Variants in RBM5 observed in about 807,000 individuals in gnomAD.
RBM5 encodes the protein RNA binding motif protein 5, also known as RNA-binding protein 5.
RBM5 carries 15 observed loss-of-function variants against 124.6 expected under a neutral mutation model. That is an observed-to-expected ratio of 0.12 (90% CI 0.08 to 0.19). The LOEUF is 0.19. RBM5 is among the 10% of genes least tolerant of loss of function. RBM5 has a pLI of 1.00. For missense variants in RBM5, 580 were observed against 1,026.5 expected (o/e 0.57, Z 5.94); for synonymous variants, 337 against 361.2 (o/e 0.93, Z 0.76).
chr3:50,115,983 G>A lies in RBM5; in HGVS notation c.2094+3G>A, dbSNP rs375558053. 2.1e-5 allele frequency: 34 copies of A among 1,610,494 alleles called. No individual in the cohort carries two copies. Among genetic ancestry groups the A allele is most frequent in the Non-Finnish European group, 2.7e-5 (32 of 1,176,838 alleles). On this transcript the variant is annotated splice_donor_region_variant and intron_variant, in intron 22 of 24. Coordinates refer to ENST00000347869, the MANE Select transcript of RBM5 (RefSeq NM_005778.4). ...CCTTGGAGCTAAGGGAGAGAGAGGT[G>A]AATGGGAAACTGTGCCACAAGGAAG...
chr3:50,090,454 A>G lies in RBM5; in HGVS notation c.17+3A>G. The G allele has an allele frequency of 1.2e-6, 2 of 1,613,996 alleles. No individual in the cohort carries two copies. Among genetic ancestry groups the G allele is most frequent in the Non-Finnish European group, 1.7e-6 (2 of 1,179,912 alleles). On this transcript the variant is annotated splice_donor_region_variant and intron_variant, in intron 2 of 24. Coordinates refer to ENST00000347869, the MANE Select transcript of RBM5 (RefSeq NM_005778.4). ...GGGACAATGGGTTCAGACAAAAGGT[A>G]AGTTACTACAGTACGTGGCTTTGAT...
Position 50,100,919 on chromosome 3 carries a change from AG to A in RBM5, c.483+315del. ...TTATATTCCTATTATGTCCATTGAG[AG>A]TAAGCTTAGTATATCAAACTCTCCA... is the stretch of plus-strand genomic sequence containing the variant. On this transcript the variant is annotated intron_variant, in intron 6 of 24. Transcript: ENST00000347869. The surrounding 1 kb of genome is among the most constrained non-coding windows in gnomAD (Gnocchi z 5.1). The A allele has an allele frequency of 4.3e-6, 1 of 233,022 alleles. No individual in the cohort carries two copies. The highest frequency in any genetic ancestry group is 8.3e-6 in the Non-Finnish European group (1 of 120,626). 14.4% of individuals were successfully genotyped at this position (233,022 alleles called of 1,614,324 possible).
In RBM5 at chr3:50,108,264, A is replaced by G. The variant is rs769827539; in HGVS notation, c.1152A>G (p.Gln384=). Residue 384 remains glutamine, a synonymous_variant, in exon 14 of 25, where the codon CAA becomes CAG. Coordinates refer to ENST00000347869, the MANE Select transcript of RBM5 (RefSeq NM_005778.4). ...YSQDYQQFYQ[Q]QAGGLESDAS... ...AGGATTATCAGCAGTTTTATCAACA[A>G]CAAGCTGGAGGATTGGAATCTGATG... 4 of 1,613,680 alleles carry G rather than the reference A, an allele frequency of 2.5e-6. No individual in the cohort carries two copies. The highest frequency in any genetic ancestry group is 3.3e-5 in the Admixed American group (2 of 60,024).
intron 8 of RBM5, 142 bp downstream of exon 8, chr3:50,104,450 A>G: frequency 2.7e-6 from 2 of 736,764 alleles, no homozygotes; most frequent in Non-Finnish European, 4.7e-6. Context: ...CCAGCCTGGC[A>G]AGAGATAGCA....
At chr3:50,096,736 A>G (rs1486827272) in intron 4 of RBM5, among the ~76,000 whole-genome samples, 4 of 150,566 alleles carry the variant, frequency 2.7e-5, no homozygotes, top group Non-Finnish European at 4.4e-5. Context: ...GATTACAGGC[A>G]TGTGTCACCA....
intron 4 of RBM5, among the ~76,000 whole-genome samples, chr3:50,096,134 C>G (rs2090809490): frequency 6.6e-6 from 1 of 151,920 alleles, no homozygotes; most frequent in South Asian, 2.1e-4. Flanking sequence ...TGGATCTTGC[C>G]TCAAAAAAGC....
At chr3:50,110,634 A>G in intron 16 of RBM5, 45 bp from the exon 17 acceptor site, 1 of 1,556,010 alleles carries the variant, frequency 6.4e-7, no homozygotes, top group African/African-American at 1.4e-5. Context: ...AAATAAAGCC[A>G]ATTTCTTACC....
At chr3:50,101,942 G>C (rs1308100542) in intron 6 of RBM5, 5 of 152,168 alleles carry the variant, frequency 3.3e-5, no homozygotes, top group African/African-American at 9.7e-5. Context: ...GTATATCACA[G>C]TGAGTGGATG....
chr3:50,106,208 G>A (rs370405069), intron 10 of RBM5, among the ~76,000 whole-genome samples: 60 of 126,026 alleles, frequency 4.8e-4, no homozygotes, highest in East Asian at 3.9e-3. Flanking sequence ...GTGTGATCTC[G>A]GCTCACTGCA....
rs1353684483 is a variant in RBM5, at chr3:50,105,201, G to A, written c.694+59G>A. 5.1e-6 allele frequency: 7 copies of A among 1,375,044 alleles called. No homozygotes were observed. The East Asian group carries it at 1.6e-4, about 32-fold the overall frequency. The allele number at this position is 1,375,044 out of a possible 1,614,324, so 85.2% of individuals were successfully genotyped here. On this transcript the variant is annotated intron_variant, in intron 9 of 24. Coordinates refer to ENST00000347869, the MANE Select transcript of RBM5 (RefSeq NM_005778.4). ...TAAAAATTGACCTCAGTTGTCAGGA[G>A]ATGGAGACCATCCTGGCTAACACGG...
intron 1 of RBM5, chr3:50,089,975 C>G (rs1156854942): frequency 6.2e-6 from 1 of 160,930 alleles, no homozygotes. Flanking sequence ...TCATGTTGCT[C>G]CTTGTATTAA....
intron 8 of RBM5, chr3:50,104,869 G>A: frequency 2.0e-6 from 1 of 502,460 alleles, no homozygotes; most frequent in Non-Finnish European, 3.6e-6. Flanking sequence ...TTAGTGCAGG[G>A]TAGTGTCAGT....
At chr3:50,106,888 T>C in intron 11 of RBM5, 24 bp downstream of exon 11, 1 of 1,516,822 alleles carries the variant, frequency 6.6e-7, no homozygotes, top group Middle Eastern at 1.7e-4. Context: ...TTGTCCTTAT[T>C]TCAAACTACT....
chr3:50,109,883 G>C (rs930639644), intron 15 of RBM5, 195 bp downstream of exon 15: 1 of 508,292 alleles, frequency 2.0e-6, no homozygotes, highest in Admixed American at 3.5e-5. Context: ...AATTTCAACT[G>C]TGTATTTACA....
chr3:50,114,274 T>G (rs1258939874), intron 20 of RBM5, 23 bp downstream of exon 20: 2 of 1,587,126 alleles, frequency 1.3e-6, no homozygotes, highest in Admixed American at 1.9e-5. Flanking sequence ...CACCAGTGTT[T>G]TAAAGACCCT....
At chr3:50,116,212 T>C (rs539596127) in intron 22 of RBM5, 129 of 512,580 alleles carry the variant, frequency 2.5e-4, no homozygotes, top group South Asian at 2.0e-3. Flanking sequence ...GCCGAGACTC[T>C]CTCACAGCAA....
intron 6 of RBM5, 131 bp from the exon 7 acceptor site, chr3:50,102,952 C>T (rs2090968809): frequency 1.0e-5 from 7 of 699,372 alleles, no homozygotes; most frequent in East Asian, 2.7e-5. Context: ...GTATAGGTGG[C>T]GGTGGTTGGT....
At chr3:50,092,264 G>T in intron 3 of RBM5, 56 bp downstream of exon 3, 1 of 1,562,480 alleles carries the variant, frequency 6.4e-7, no homozygotes. Context: ...TATAGTAATA[G>T]AAATAACAGC....
chr3:50,106,495 G>A (rs1259177216), intron 10 of RBM5, among the ~76,000 whole-genome samples: 1 of 152,148 alleles, frequency 6.6e-6, no homozygotes, highest in African/African-American at 2.4e-5. Flanking sequence ...TCGAACTCTT[G>A]ACTTCAAGTG....
Sources: gnomAD v4.1 joint callset for allele counts (sites outside exome capture counted in the v4.1 genomes callset) on GRCh38, gnomAD v4.1.1 for gene constraint, Gnocchi (gnomAD v3.1) non-coding constraint, MANE v1.5 for transcripts, NCBI Gene and HGNC (gene_info 2026-07-23, HGNC 2026-07-21) for gene names.